The following DCLK1 variants were observed in gnomAD, a reference collection of about 807,000 sequenced individuals.
The protein encoded by DCLK1 is serine/threonine-protein kinase DCLK1.
In DCLK1, 16 loss-of-function variants were observed where a neutral mutation model predicts 86.2. The ratio of observed to expected loss-of-function variants is 0.19; its 90% CI spans 0.13 to 0.28. The LOEUF is 0.28. Among genes scored for constraint, DCLK1 ranks in the 10% least tolerant of loss-of-function variants. The pLI is 1.00. For missense variants in DCLK1, 590 were observed against 940.2 expected (o/e 0.63, Z 4.87); for synonymous variants, 369 against 370.5 (o/e 1.00, Z 0.05).
At chr13:36,058,756 C>A (rs1267652362) in intron 3 of DCLK1, among the ~76,000 whole-genome samples, 2 of 152,132 alleles carry the variant, frequency 1.3e-5, no homozygotes, top group Non-Finnish European at 2.9e-5. Flanking sequence ...TGTGAGAACT[C>A]GATTGAGCAT....
intron 3 of DCLK1, among the ~76,000 whole-genome samples, chr13:35,984,593 T>C (rs1879811246): frequency 6.6e-6 from 1 of 152,206 alleles, no homozygotes; most frequent in South Asian, 2.1e-4. Flanking sequence ...TAAAGTCTAT[T>C]TCTCTACTTG....
At position 36,014,438 on chromosome 13, in the gene DCLK1, CTGT is replaced by C. The variant is rs1167849977; in HGVS notation, c.724-66984_724-66982del. On this transcript the variant is annotated intron_variant, in intron 3 of 16. Coordinates refer to ENST00000360631, the MANE Select transcript of DCLK1 (RefSeq NM_001330071.2). ...AATTTTAAATTACAGCCGATAAAAA[CTGT>C]TTTTTTTTACAGCCTTATTTTCTCA... Among the ~76,000 whole-genome samples, 5 of 152,214 alleles carry C rather than the reference CTGT, an allele frequency of 3.3e-5. No homozygotes were observed. In the East Asian group the frequency reaches 9.7e-4, roughly 29 times the overall value.
chr13:36,053,508 G>A (rs1883195842), intron 3 of DCLK1, among the ~76,000 whole-genome samples: 1 of 152,146 alleles, frequency 6.6e-6, no homozygotes, highest in South Asian at 2.1e-4. Context: ...GGGGGACTGA[G>A]GTTACAGCAG....
chr13:35,831,614 G>T (rs1868970023), intron 8 of DCLK1, among the ~76,000 whole-genome samples: 1 of 152,072 alleles, frequency 6.6e-6, no homozygotes, highest in Non-Finnish European at 1.5e-5. Flanking sequence ...AGTGTACTCA[G>T]AAGAATACTA....
intron 5 of DCLK1, among the ~76,000 whole-genome samples, chr13:35,865,659 A>C (rs1016237654): frequency 6.6e-6 from 1 of 152,208 alleles, no homozygotes; most frequent in African/African-American, 2.4e-5. Context: ...AGTGCCTAGC[A>C]AATGCCTGAC....
intron 11 of DCLK1, among the ~76,000 whole-genome samples, chr13:35,814,652 G>A (rs1031290655): frequency 6.6e-6 from 1 of 152,164 alleles, no homozygotes; most frequent in Non-Finnish European, 1.5e-5. Context: ...CACAACATGA[G>A]GTATGATTTA....
chr13:35,854,983 C>T (rs1299073072), intron 5 of DCLK1, among the ~76,000 whole-genome samples: 1 of 152,188 alleles, frequency 6.6e-6, no homozygotes, highest in Non-Finnish European at 1.5e-5. Context: ...TAAATATAAG[C>T]ACAGATCACC....
chr13:35,948,929 CCT>C (rs1380674142), intron 3 of DCLK1, among the ~76,000 whole-genome samples: 1 of 152,182 alleles, frequency 6.6e-6, no homozygotes, highest in Non-Finnish European at 1.5e-5. Flanking sequence ...CCATTTCACT[CCT>C]CTCTCTGACT....
intron 16 of DCLK1, among the ~76,000 whole-genome samples, chr13:35,783,424 C>A (rs2086564757): frequency 6.6e-6 from 1 of 152,100 alleles, no homozygotes. Flanking sequence ...CACTCTTCAC[C>A]TTTTCGTAGG....
At chr13:35,919,194 CA>C (rs1875630638) in intron 4 of DCLK1, among the ~76,000 whole-genome samples, 1 of 151,996 alleles carries the variant, frequency 6.6e-6, no homozygotes. Context: ...ACTCGGCCCC[CA>C]AGAGTTTTAA....
intron 6 of DCLK1, among the ~76,000 whole-genome samples, chr13:35,839,915 ACAATGAATGTTTC>A (rs1869671777): frequency 6.6e-6 from 1 of 152,242 alleles, no homozygotes; most frequent in African/African-American, 2.4e-5. Flanking sequence ...CAGTACTTTA[ACAATGAATGTTTC>A]CATCTCTGCA....
chr13:35,942,540 G>T (rs1158638422), intron 4 of DCLK1, among the ~76,000 whole-genome samples: 1 of 152,186 alleles, frequency 6.6e-6, no homozygotes, highest in Non-Finnish European at 1.5e-5. Flanking sequence ...GAACCTTGTG[G>T]TGTGAAACCT....
intron 5 of DCLK1, among the ~76,000 whole-genome samples, chr13:35,870,409 C>T (rs1174803974): frequency 6.6e-6 from 1 of 152,198 alleles, no homozygotes; most frequent in Non-Finnish European, 1.5e-5. Flanking sequence ...CACACTCCCC[C>T]TAGCCCATGC....
At chr13:36,063,289 C>T (rs966487041) in intron 3 of DCLK1, among the ~76,000 whole-genome samples, 7 of 152,218 alleles carry the variant, frequency 4.6e-5, no homozygotes, top group Non-Finnish European at 8.8e-5. Flanking sequence ...TCTTCCTCTC[C>T]TATCCCAGGG....
At chr13:35,871,681 T>A (rs1270374023) in intron 4 of DCLK1, among the ~76,000 whole-genome samples, 1 of 152,190 alleles carries the variant, frequency 6.6e-6, no homozygotes, top group African/African-American at 2.4e-5. Context: ...GTGGGTCTCT[T>A]GGGATAAACT....
intron 6 of DCLK1, among the ~76,000 whole-genome samples, chr13:35,844,251 CAAAAGA>C (rs1305694432): frequency 2.6e-4 from 40 of 152,084 alleles, no homozygotes; most frequent in Middle Eastern, 6.8e-3. Context: ...ATAATTTTTT[CAAAAGA>C]CTAGAAAACT....
chr13:35,975,907 T>G (rs1879306156), intron 3 of DCLK1, among the ~76,000 whole-genome samples: 1 of 152,136 alleles, frequency 6.6e-6, no homozygotes. Flanking sequence ...CACAATGCAC[T>G]ACCAGCTGCA....
Position 36,049,208 on chromosome 13 carries a change from C to G in DCLK1, c.723+62661G>C, listed in dbSNP as rs73525213. The stretch of plus-strand genomic sequence containing the variant: ...GATTATGAGATGCAGGATTGAAGAG[C>G]CTGTGTACTATTTTAGATTGTTTAG... On this transcript the variant is annotated intron_variant, in intron 3 of 16. Coordinates refer to ENST00000360631, the MANE Select transcript of DCLK1 (RefSeq NM_001330071.2). Among the ~76,000 whole-genome samples, 1,022 of 152,168 alleles carry G rather than the reference C, an allele frequency of 6.7e-3. 9 individuals are homozygous for G. Among genetic ancestry groups the G allele is most frequent in the African/African-American group, 0.023 (952 of 41,518 alleles).
At chr13:36,106,590 T>G (rs1885406143) in intron 3 of DCLK1, among the ~76,000 whole-genome samples, 2 of 152,166 alleles carry the variant, frequency 1.3e-5, no homozygotes, top group African/African-American at 4.8e-5. Context: ...AGCAAATCAA[T>G]AGTACACATT....
Sources: gnomAD v4.1 joint callset for allele counts (sites outside exome capture counted in the v4.1 genomes callset) on GRCh38, gnomAD v4.1.1 for gene constraint, MANE v1.5 for transcripts, NCBI Gene and HGNC (gene_info 2026-07-23, HGNC 2026-07-21) for gene names.